Variants in GEMIN5 observed in about 807,000 individuals in gnomAD.
GEMIN5 encodes gem nuclear organelle associated protein 5.
In GEMIN5, 124 loss-of-function variants were observed where a neutral mutation model predicts 176.9. The ratio of observed to expected loss-of-function variants is 0.70; its 90% CI spans 0.61 to 0.81. The LOEUF (loss-of-function observed/expected upper bound fraction) is 0.81. GEMIN5 is among the 40% of genes least tolerant of loss of function. The pLI, the probability that GEMIN5 is intolerant of heterozygous loss-of-function variation, is 0.00. For missense variants in GEMIN5, 1,843 were observed against 1,814.6 expected, an observed-to-expected ratio of 1.02 and a Z score of -0.28; for synonymous variants, 673 against 665.2, an observed-to-expected ratio of 1.01 and a Z score of -0.18.
chr5:154,917,109 TCA>T lies in GEMIN5; in HGVS notation c.1742_1743del (p.Val581GlufsTer4). ...ICTIQQHHKL[V>X]NTISWHHEHG... ...TGCTCATGATGCCAGCTAATGGTAT[TCA>T]CAAGCTTGTGATGCTGTTGGATAGT... On this transcript the variant is annotated frameshift_variant, in exon 13 of 28. Transcript: ENST00000285873. LOFTEE classifies it high-confidence loss of function. 1 of 1,606,486 alleles carries T rather than the reference TCA, an allele frequency of 6.2e-7. No individual in the cohort carries two copies. The highest frequency in any genetic ancestry group is 8.5e-7 in the Non-Finnish European group (1 of 1,174,092).
intron 15 of GEMIN5, 121 bp from the exon 16 acceptor site, chr5:154,907,939 C>T (rs1763605935): frequency 1.5e-6 from 1 of 689,488 alleles, no homozygotes; most frequent in African/African-American, 1.8e-5. Context: ...CCTTTCTTCT[C>T]AATGAACTTT....
At position 154,912,961 on chromosome 5, in the gene GEMIN5, C is replaced by T. The variant is rs2113484462; in HGVS notation, c.1933G>A (p.Val645Met). 6.2e-7 allele frequency: 1 copy of T among 1,613,670 alleles called. No homozygotes were observed. The highest frequency in any genetic ancestry group is 8.5e-7 in the Non-Finnish European group (1 of 1,179,558). The change falls in exon 14 of 28, where the codon GTG (valine) becomes ATG (methionine). Residue 645 changes from valine (V) to methionine (M), a missense_variant. By Grantham distance (21) the Val-to-Met change is conservative (BLOSUM62 1). Transcript: ENST00000285873. ...CCATCATGATGTGGGCTCCACGCCACACTGGTAATCTTGGCCGTATGCCCT... is the reference window on the plus strand; with the variant it reads ...CCATCATGATGTGGGCTCCACGCCATACTGGTAATCTTGGCCGTATGCCCT... ...LSGHTAKITS[V>M]AWSPHHDGRL...
intron 7 of GEMIN5, among the ~76,000 whole-genome samples, chr5:154,926,588 T>C (rs940848890): frequency 5.3e-5 from 8 of 152,194 alleles, no homozygotes; most frequent in African/African-American, 4.8e-5. Flanking sequence ...AGTAAGGTAA[T>C]AGGCTTTCAA....
chr5:154,903,211 TC>T (rs1205259992), intron 18 of GEMIN5, 36 bp from the exon 19 acceptor site: 4 of 1,313,508 alleles, frequency 3.0e-6, no homozygotes, highest in African/African-American at 1.4e-5. Context: ...TCAGATGAAG[TC>T]ATTACATTGA....
chr5:154,896,368 G>C (rs1185176220), intron 23 of GEMIN5, 25 bp from the exon 24 acceptor site: 4 of 1,542,240 alleles, frequency 2.6e-6, no homozygotes, highest in Admixed American at 4.2e-5. Flanking sequence ...CAAGGAAGAG[G>C]AACTGTTATA....
chr5:154,901,228 G>C (rs1479445219), intron 21 of GEMIN5, 111 bp downstream of exon 21: 1 of 1,012,404 alleles, frequency 9.9e-7, no homozygotes, highest in Non-Finnish European at 1.5e-6. Flanking sequence ...TTACTCAGGG[G>C]GCTGAAGCAG....
At chr5:154,935,590 G>A (rs1157376765) in intron 3 of GEMIN5, among the ~76,000 whole-genome samples, 3 of 152,144 alleles carry the variant, frequency 2.0e-5, no homozygotes, top group Non-Finnish European at 4.4e-5. Context: ...TTTCCTACAC[G>A]TAAAGGTTGA....
chr5:154,899,130 C>G, intron 22 of GEMIN5, 61 bp downstream of exon 22: 1 of 1,512,790 alleles, frequency 6.6e-7, no homozygotes, highest in Non-Finnish European at 8.9e-7. Context: ...GTATTCTTGT[C>G]CTCCCCTTCC....
chr5:154,891,568 A>G lies in GEMIN5; in HGVS notation c.3935T>C (p.Val1312Ala). 1.9e-6 allele frequency: 3 copies of G among 1,614,124 alleles called. No homozygotes were observed. Among genetic ancestry groups the G allele is most frequent in the Non-Finnish European group, 2.5e-6 (3 of 1,180,014 alleles). ...WVRAGHRTLS[V>A]EPSQQLDTAS... ...AGTGTCTAACTGCTGGCTTGGCTCA[A>G]CAGAGAGTGTTCTGTGACCAGCCCT... The change falls in exon 26 of 28, where the codon GTT becomes GCT. Residue 1312 changes from valine (V) to alanine (A), a missense_variant. Physicochemically the swap from Val to Ala is moderately conservative, Grantham distance 64. Transcript: ENST00000285873.
At chr5:154,928,505 A>C (rs568582580) in intron 6 of GEMIN5, 22 bp downstream of exon 6, 3 of 1,612,348 alleles carry the variant, frequency 1.9e-6, no homozygotes, top group Non-Finnish European at 2.5e-6. Flanking sequence ...TATCTGAGAA[A>C]GCATGACCAA....
Position 154,917,137 on chromosome 5 carries a change from AC to A in GEMIN5, c.1715del (p.Cys572LeufsTer10). The A allele has an allele frequency of 6.4e-7, 1 of 1,556,570 alleles. No individual in the cohort carries two copies. The highest frequency in any genetic ancestry group is 8.8e-7 in the Non-Finnish European group (1 of 1,141,662). On this transcript the variant is annotated frameshift_variant, in exon 13 of 28. Coordinates refer to ENST00000285873, the MANE Select transcript of GEMIN5 (RefSeq NM_015465.5). LOFTEE classifies it high-confidence loss of function. ...CAAGCTTGTGATGCTGTTGGATAGT[AC>A]AGATCAGTTTCAGGTTGGGAATCTG... is the stretch of plus-strand genomic sequence containing the variant. ...IFQIPNLKLI[C>X]TIQQHHKLVN...
chr5:154,895,625 A>G (rs892415269), intron 24 of GEMIN5, among the ~76,000 whole-genome samples: 3 of 152,246 alleles, frequency 2.0e-5, no homozygotes, highest in African/African-American at 7.2e-5. Context: ...AAAACCCTAC[A>G]AAGTAAAAAT....
chr5:154,932,382 A>G lies in GEMIN5; in HGVS notation c.510-132T>C, dbSNP rs541366562. On this transcript the variant is annotated intron_variant, in intron 3 of 27. Transcript: ENST00000285873. ...TGCATTTGGGGTGGCGGAGGAGGGA[A>G]GAGGACAAAAAATAATTTTGCTTTT... The G allele has an allele frequency of 4.2e-5, 27 of 638,742 alleles. No individual in the cohort carries two copies. In the South Asian group the frequency reaches 5.2e-4, roughly 12 times the overall value. 39.6% of individuals were successfully genotyped at this position (638,742 alleles called of 1,614,324 possible).
Position 154,917,149 on chromosome 5 carries a change from C to A in GEMIN5, c.1704G>T (p.Leu568=). Residue 568 remains leucine, a synonymous_variant, in exon 13 of 28, where the codon CTG becomes CTT. Coordinates refer to ENST00000285873, the MANE Select transcript of GEMIN5 (RefSeq NM_015465.5). ...GSIEIFQIPN[L]KLICTIQQHH... ...GCTGTTGGATAGTACAGATCAGTTT[C>A]AGGTTGGGAATCTGAAATATTTCTA... 1 of 1,514,484 alleles carries A rather than the reference C, an allele frequency of 6.6e-7. No homozygotes were observed. The highest frequency in any genetic ancestry group is 9.0e-7 in the Non-Finnish European group (1 of 1,117,068). 93.8% of individuals were successfully genotyped at this position (1,514,484 alleles called of 1,614,324 possible). A position where few individuals can be genotyped will look rare whatever the true frequency, so the allele number is the denominator to read the frequency against.
At chr5:154,915,347 GA>G (rs1215300657) in intron 13 of GEMIN5, among the ~76,000 whole-genome samples, 4 of 152,110 alleles carry the variant, frequency 2.6e-5, no homozygotes, top group African/African-American at 9.7e-5. Context: ...ATAGCACTCT[GA>G]AAACAATTTA....
intron 12 of GEMIN5, 69 bp downstream of exon 12, chr5:154,917,862 C>A: frequency 1.0e-6 from 1 of 978,516 alleles, no homozygotes; most frequent in South Asian, 1.3e-5. Flanking sequence ...TTACAGATGG[C>A]ATTAGTCAGC....
Position 154,907,666 on chromosome 5 carries a change from C to G in GEMIN5, c.2320G>C (p.Glu774Gln). The G allele has an allele frequency of 1.2e-6, 2 of 1,614,182 alleles. No individual in the cohort carries two copies. The highest frequency in any genetic ancestry group is 1.7e-6 in the Non-Finnish European group (2 of 1,180,020). ...ESMKENSGPVENGVSDQEGEE... is the reference protein window; with the variant it reads ...ESMKENSGPVQNGVSDQEGEE... ...CCTTCTTGGTCTGACACACCATTCT[C>G]AACAGGTCCTGAGTTCTCCTTCATG... is the stretch of plus-strand genomic sequence containing the variant. The change falls in exon 16 of 28, where the codon GAG (glutamate) becomes CAG (glutamine). Residue 774 changes from glutamate to glutamine, a missense_variant. By Grantham distance (29) the Glu-to-Gln change is conservative. Coordinates refer to ENST00000285873, the MANE Select transcript of GEMIN5 (RefSeq NM_015465.5).
chr5:154,930,802 A>T (rs1764146202), intron 5 of GEMIN5, among the ~76,000 whole-genome samples: 2 of 152,206 alleles, frequency 1.3e-5, no homozygotes, highest in African/African-American at 4.8e-5. Flanking sequence ...AAGATGGCAA[A>T]TGTTATATTT....
Position 154,926,051 on chromosome 5 carries a change from G to C in GEMIN5, c.1104C>G (p.Thr368=), listed in dbSNP as rs1029013742. ...DRDVKCWDIA[T]LECSWTLPSL... ...AAGGAAGGGTCCAGCTGCACTCCAA[G>C]GTGGCTATGTCCCAACATTTTACCT... Residue 368 remains threonine, a synonymous_variant, in exon 8 of 28, where the codon ACC becomes ACG. Coordinates refer to ENST00000285873, the MANE Select transcript of GEMIN5 (RefSeq NM_015465.5). 23 of 1,612,342 alleles carry C rather than the reference G, an allele frequency of 1.4e-5. No individual in the cohort carries two copies. Among genetic ancestry groups the C allele is most frequent in the Non-Finnish European group, 2.0e-5 (23 of 1,178,450 alleles).
Sources: allele counts gnomAD v4.1 joint callset (sites outside exome capture counted in the v4.1 genomes callset), GRCh38; gene constraint gnomAD v4.1.1; transcripts MANE v1.5; gene names NCBI Gene and HGNC (gene_info 2026-07-23, HGNC 2026-07-21).